The following PPFIBP1 variants were observed in gnomAD, a reference collection of about 807,000 sequenced individuals.
PPFIBP1 encodes the protein PPFIB scaffold protein 1, also known as liprin-beta-1.
Under a neutral mutation model 137.8 loss-of-function variants are expected in PPFIBP1, and 112 were observed. That is an observed-to-expected ratio of 0.81 (90% CI 0.70 to 0.95). The LOEUF is 0.95. PPFIBP1 is among the 40% of genes least tolerant of loss of function. PPFIBP1 has a pLI of 0.00. For missense variants in PPFIBP1, 1,083 were observed against 1,196.6 expected (o/e 0.91, Z 1.40); for synonymous variants, 378 against 417.3 (o/e 0.91, Z 1.15).
chr12:27,644,600 T>G (rs1038130648), intron 4 of PPFIBP1, among the ~76,000 whole-genome samples: 1 of 152,104 alleles, frequency 6.6e-6, no homozygotes, highest in Non-Finnish European at 1.5e-5. Flanking sequence ...AAAACTGCCC[T>G]TGAGAAGTTG....
At position 27,527,361 on chromosome 12, in the gene PPFIBP1, A is replaced by G. The variant is rs80019211; in HGVS notation, c.-124+2996A>G. Among the ~76,000 whole-genome samples, 1,245 of 150,990 alleles carry G rather than the reference A, an allele frequency of 8.2e-3. 9 individuals carry two copies. The highest frequency in any genetic ancestry group is 0.013 in the Non-Finnish European group (862 of 67,794). On this transcript the variant is annotated intron_variant, in intron 1 of 29. Transcript: ENST00000228425. ...CCTCCCAGGTTCAAATGATCCTCCCACCTCAGCCTTCCCTGGGACTACAGT... is the reference window on the plus strand; with the variant it reads ...CCTCCCAGGTTCAAATGATCCTCCCGCCTCAGCCTTCCCTGGGACTACAGT...
chr12:27,669,977 G>C (rs573913338), intron 13 of PPFIBP1, among the ~76,000 whole-genome samples: 2 of 152,312 alleles, frequency 1.3e-5, no homozygotes, highest in African/African-American at 4.8e-5. Flanking sequence ...CTGTAGATGT[G>C]TGGTTACTAA....
At chr12:27,613,907 A>G (rs2055442715) in intron 2 of PPFIBP1, among the ~76,000 whole-genome samples, 1 of 152,028 alleles carries the variant, frequency 6.6e-6, no homozygotes, top group African/African-American at 2.4e-5. Context: ...TGGGAAGACA[A>G]TGACCTTGCC....
intron 12 of PPFIBP1, among the ~76,000 whole-genome samples, chr12:27,666,935 C>T (rs1430290625): frequency 6.6e-6 from 1 of 152,094 alleles, no homozygotes; most frequent in Non-Finnish European, 1.5e-5. Flanking sequence ...ATGACTTTGT[C>T]TGTTAATATC....
chr12:27,657,407 C>A (rs1013299561), intron 9 of PPFIBP1, among the ~76,000 whole-genome samples: 6 of 151,304 alleles, frequency 4.0e-5, no homozygotes, highest in Admixed American at 2.6e-4. Flanking sequence ...TATCTGACAA[C>A]ACTAGGTTAA....
At chr12:27,563,277 TAAAAAAAAA>T (rs869044515) in intron 1 of PPFIBP1, among the ~76,000 whole-genome samples, 3 of 22,170 alleles carry the variant, frequency 1.4e-4, no homozygotes, top group Non-Finnish European at 2.1e-4. Context: ...CCATCTCTAC[TAAAAAAAAA>T]AAAAAAAAAA....
chr12:27,650,226 G>A, intron 7 of PPFIBP1, 85 bp downstream of exon 7: 1 of 1,231,408 alleles, frequency 8.1e-7, no homozygotes, highest in East Asian at 2.7e-5. Flanking sequence ...CTAGGGCAAA[G>A]TTGAAATTCC....
intron 2 of PPFIBP1, among the ~76,000 whole-genome samples, chr12:27,614,892 G>T (rs1189590262): frequency 6.6e-6 from 1 of 152,198 alleles, no homozygotes; most frequent in Non-Finnish European, 1.5e-5. Context: ...ATTAATTAAT[G>T]AAACAGAAAA....
intron 17 of PPFIBP1, among the ~76,000 whole-genome samples, chr12:27,675,569 C>G (rs907047493): frequency 6.6e-6 from 1 of 152,114 alleles, no homozygotes; most frequent in African/African-American, 2.4e-5. Context: ...ACAAAAGTAT[C>G]TTTGTATAAA....
chr12:27,573,802 GT>G (rs1314226649), intron 1 of PPFIBP1, among the ~76,000 whole-genome samples: 3 of 152,178 alleles, frequency 2.0e-5, no homozygotes, highest in Non-Finnish European at 4.4e-5. Context: ...GGGTTACAAA[GT>G]GAGACCTCAT....
chr12:27,602,501 C>A (rs1305488288), intron 2 of PPFIBP1, among the ~76,000 whole-genome samples: 2 of 152,168 alleles, frequency 1.3e-5, no homozygotes, highest in Admixed American at 6.5e-5. Context: ...TACATCAGAT[C>A]CCCAGAACTT....
chr12:27,579,784 G>T (rs377190474), intron 2 of PPFIBP1, among the ~76,000 whole-genome samples: 1 of 152,204 alleles, frequency 6.6e-6, no homozygotes, highest in Non-Finnish European at 1.5e-5. Context: ...ACTTTGGAAT[G>T]ATGTTGAACT....
chr12:27,642,101 A>G (rs1207299491), intron 4 of PPFIBP1, among the ~76,000 whole-genome samples: 2 of 152,218 alleles, frequency 1.3e-5, no homozygotes, highest in Non-Finnish European at 2.9e-5. Context: ...GGCTAGCTCT[A>G]AGATTCTGTA....
intron 2 of PPFIBP1, among the ~76,000 whole-genome samples, chr12:27,631,240 C>G (rs1341208017): frequency 6.6e-6 from 1 of 152,098 alleles, no homozygotes; most frequent in Admixed American, 6.6e-5. Context: ...CCTCATGCCT[C>G]CTATTTTTTC....
chr12:27,588,705 G>C (rs182068346), intron 2 of PPFIBP1, among the ~76,000 whole-genome samples: 10 of 152,270 alleles, frequency 6.6e-5, no homozygotes, highest in African/African-American at 2.4e-4. Context: ...TGGACTGAGA[G>C]AATTCAGTAG....
chr12:27,537,215 T>G lies in PPFIBP1; in HGVS notation c.-124+12850T>G, dbSNP rs147206368. ...GGTGTGATCTCAGCTCACTACAACC[T>G]CTGCCTCCCTGGTTCAAGTGATTCT... On this transcript the variant is annotated intron_variant, in intron 1 of 29. Coordinates refer to ENST00000228425, the MANE Select transcript of PPFIBP1 (RefSeq NM_003622.4). Among the ~76,000 whole-genome samples, 34 of 152,110 alleles carry G rather than the reference T, an allele frequency of 2.2e-4. No individual in the cohort carries two copies. In the East Asian group the frequency reaches 6.2e-3, roughly 28 times the overall value.
chr12:27,592,466 GA>G (rs2052639099), intron 2 of PPFIBP1: 10 of 1,045,870 alleles, frequency 9.6e-6, no homozygotes, highest in Non-Finnish European at 1.4e-5. Flanking sequence ...GTCTATATAG[GA>G]TGTCCTAATT....
intron 1 of PPFIBP1, among the ~76,000 whole-genome samples, chr12:27,569,544 A>C (rs2049966293): frequency 6.6e-6 from 1 of 151,910 alleles, no homozygotes; most frequent in Admixed American, 6.6e-5. Context: ...TCCTGTGCAT[A>C]TATCTACATT....
intron 6 of PPFIBP1, among the ~76,000 whole-genome samples, chr12:27,648,542 T>C (rs1483940754): frequency 1.3e-5 from 2 of 152,214 alleles, no homozygotes; most frequent in African/African-American, 4.8e-5. Flanking sequence ...AAGAAATATC[T>C]GTGCTCCCGA....
Sources: gnomAD v4.1 joint callset for allele counts (sites outside exome capture counted in the v4.1 genomes callset) on GRCh38, gnomAD v4.1.1 for gene constraint, MANE v1.5 for transcripts, NCBI Gene and HGNC (gene_info 2026-07-23, HGNC 2026-07-21) for gene names.